The following CNTNAP2 variants were observed in gnomAD, a reference collection of about 807,000 sequenced individuals.
CNTNAP2 encodes contactin associated protein 2.
Under a neutral mutation model 155.2 loss-of-function variants are expected in CNTNAP2, and 98 were observed. The ratio of observed to expected loss-of-function variants is 0.63; its 90% CI spans 0.54 to 0.75. The LOEUF (loss-of-function observed/expected upper bound fraction) is 0.75, where lower values mean the gene tolerates loss of function less well. CNTNAP2 is among the 30% of genes least tolerant of loss of function. The pLI is 0.00. For synonymous variants in CNTNAP2, 651 were observed against 631.2 expected (o/e 1.03, Z -0.47); for missense variants, 1,727 against 1,688.1 (o/e 1.02, Z -0.40).
intron 21 of CNTNAP2, among the ~76,000 whole-genome samples, chr7:148,278,257 C>T (rs1019285671): frequency 5.3e-5 from 8 of 152,066 alleles, no homozygotes; most frequent in Non-Finnish European, 1.0e-4. Context: ...ACTCTGTGAC[C>T]TCCTCGATGT....
intron 1 of CNTNAP2, among the ~76,000 whole-genome samples, chr7:146,574,348 T>C (rs910979242): frequency 6.6e-6 from 1 of 152,204 alleles, no homozygotes; most frequent in Non-Finnish European, 1.5e-5. Context: ...ATTTTTGACA[T>C]AAAGTTAAAT....
chr7:148,387,885 A>AGAAGCCAGC (rs113227859), intron 22 of CNTNAP2, among the ~76,000 whole-genome samples: 7,567 of 152,202 alleles, frequency 0.05, 254 homozygotes, highest in African/African-American at 0.093. Context: ...GTTGCAGTAA[A>AGAAGCCAGC]GAAGCCAGCT....
chr7:147,135,368 C>G (rs1801457393), intron 8 of CNTNAP2, among the ~76,000 whole-genome samples: 1 of 151,668 alleles, frequency 6.6e-6, no homozygotes, highest in African/African-American at 2.4e-5. Context: ...AACAAACAAA[C>G]AACAACAACA....
At chr7:147,371,515 A>T (rs1796337891) in intron 9 of CNTNAP2, among the ~76,000 whole-genome samples, 1 of 152,162 alleles carries the variant, frequency 6.6e-6, no homozygotes, top group Non-Finnish European at 1.5e-5. Context: ...ATGCTTTGAA[A>T]TTCATGAAAA....
intron 2 of CNTNAP2, among the ~76,000 whole-genome samples, chr7:146,778,263 C>T (rs1802424700): frequency 6.6e-6 from 1 of 152,126 alleles, no homozygotes; most frequent in Non-Finnish European, 1.5e-5. Flanking sequence ...TAGGAAAGCA[C>T]CATATAAATG....
At chr7:146,581,749 C>G (rs1255875198) in intron 1 of CNTNAP2, among the ~76,000 whole-genome samples, 1 of 151,810 alleles carries the variant, frequency 6.6e-6, no homozygotes, top group Non-Finnish European at 1.5e-5. Context: ...ATGTTTTAAG[C>G]TACTTTAATC....
intron 10 of CNTNAP2, among the ~76,000 whole-genome samples, chr7:147,398,589 C>CATT (rs1796860381): frequency 1.1e-5 from 1 of 87,734 alleles, no homozygotes. Context: ...ACGATTTGAA[C>CATT]TTTTTTTTTT....
intron 3 of CNTNAP2, among the ~76,000 whole-genome samples, chr7:146,932,753 A>T (rs1323315776): frequency 6.6e-6 from 1 of 152,212 alleles, no homozygotes; most frequent in African/African-American, 2.4e-5. Flanking sequence ...AGGATACAAA[A>T]TCAATGCACA....
At chr7:146,530,137 C>G (rs1797748041) in intron 1 of CNTNAP2, among the ~76,000 whole-genome samples, 1 of 152,072 alleles carries the variant, frequency 6.6e-6, no homozygotes, top group Admixed American at 6.6e-5. Context: ...GGAAAGGACT[C>G]CCTATTCAAT....
intron 1 of CNTNAP2, among the ~76,000 whole-genome samples, chr7:146,124,770 G>A (rs968922606): frequency 6.6e-6 from 1 of 152,022 alleles, no homozygotes; most frequent in African/African-American, 2.4e-5. Context: ...TGATTCGGGT[G>A]TTTTTTTCTA....
At chr7:146,880,066 C>A (rs2129209100) in intron 3 of CNTNAP2, among the ~76,000 whole-genome samples, 1 of 152,144 alleles carries the variant, frequency 6.6e-6, no homozygotes, top group Non-Finnish European at 1.5e-5. Flanking sequence ...TTATTTCCCA[C>A]CTGGTCCCTC....
intron 1 of CNTNAP2, among the ~76,000 whole-genome samples, chr7:146,538,901 T>G (rs1335344892): frequency 1.3e-5 from 2 of 152,122 alleles, no homozygotes; most frequent in South Asian, 2.1e-4. Context: ...TCTGATCAGT[T>G]GTACAAGTGA....
At chr7:146,296,016 T>C (rs1800509486) in intron 1 of CNTNAP2, among the ~76,000 whole-genome samples, 1 of 152,142 alleles carries the variant, frequency 6.6e-6, no homozygotes, top group African/African-American at 2.4e-5. Context: ...AGTCAGGCTG[T>C]ATTTTGACCT....
chr7:147,027,004 G>GAAAAAAAAAAAAAAAAAAAAAAAAAAAA (rs57810224), intron 3 of CNTNAP2, among the ~76,000 whole-genome samples: 1 of 67,430 alleles, frequency 1.5e-5, no homozygotes, highest in Non-Finnish European at 2.9e-5. Flanking sequence ...AAACAGAACA[G>GAAAAAAAAAAAAAAAAAAAAAAAAAAAA]AAAAAAAAAA....
At chr7:146,218,324 A>T (rs1227833246) in intron 1 of CNTNAP2, among the ~76,000 whole-genome samples, 1 of 152,110 alleles carries the variant, frequency 6.6e-6, no homozygotes, top group Non-Finnish European at 1.5e-5. Flanking sequence ...CCTGGCTAAC[A>T]CGGTGAAACC....
At position 147,865,764 on chromosome 7, in the gene CNTNAP2, G is replaced by A. The variant is rs540758656; in HGVS notation, c.2099-37801G>A. Among the ~76,000 whole-genome samples, 14 of 152,134 alleles carry A rather than the reference G, an allele frequency of 9.2e-5. No homozygotes were observed. The East Asian group carries it at 1.4e-3, about 15-fold the overall frequency. On this transcript the variant is annotated intron_variant, in intron 13 of 23. Coordinates refer to ENST00000361727, the MANE Select transcript of CNTNAP2 (RefSeq NM_014141.6). ...TGATAGTTTTTATTTCTGTGGGATC[G>A]GTGGTGATATCCCCTTTATAATTTT...
chr7:147,278,707 TA>T (rs1804959661), intron 8 of CNTNAP2, among the ~76,000 whole-genome samples: 1 of 151,668 alleles, frequency 6.6e-6, no homozygotes. Flanking sequence ...TGGAAATAAA[TA>T]AAAGCGTGAT....
chr7:146,696,311 A>G (rs1376890543), intron 1 of CNTNAP2, among the ~76,000 whole-genome samples: 1 of 152,204 alleles, frequency 6.6e-6, no homozygotes, highest in Admixed American at 6.5e-5. Flanking sequence ...ATCTGTAAGC[A>G]TGAAATTGTT....
intron 1 of CNTNAP2, among the ~76,000 whole-genome samples, chr7:146,767,500 G>T (rs769415881): frequency 2.1e-4 from 32 of 152,048 alleles, no homozygotes; most frequent in Non-Finnish European, 4.1e-4. Context: ...GGATTATTAG[G>T]GTTCTTTCTT....
Sources: allele counts gnomAD v4.1 joint callset (sites outside exome capture counted in the v4.1 genomes callset), GRCh38; gene constraint gnomAD v4.1.1; transcripts MANE v1.5; gene names NCBI Gene and HGNC (gene_info 2026-07-23, HGNC 2026-07-21).